The following SOS2 variants were observed in gnomAD, a reference collection of about 807,000 sequenced individuals.
SOS2 encodes SOS Ras/Rho guanine nucleotide exchange factor 2, also known as son of sevenless homolog 2.
Under a neutral mutation model 148.2 loss-of-function variants are expected in SOS2, and 65 were observed. The ratio of observed to expected loss-of-function variants is 0.44; its 90% CI spans 0.36 to 0.54. The LOEUF is 0.54. Ranked by LOEUF, SOS2 falls within the 20% of genes least tolerant of loss-of-function variation. The probability of loss-of-function intolerance (pLI) is 0.00; values close to 1 mark genes in which losing one functional copy is unlikely to be tolerated. For synonymous variants in SOS2, 539 were observed against 537.1 expected, an observed-to-expected ratio of 1.00 and a Z score of -0.05; for missense variants, 1,341 against 1,590.2, an observed-to-expected ratio of 0.84 and a Z score of 2.67.
chr14:50,170,174 C>T (rs997412189), intron 8 of SOS2, among the ~76,000 whole-genome samples: 1 of 151,522 alleles, frequency 6.6e-6, no homozygotes, highest in African/African-American at 2.4e-5. Context: ...CTCAAGTGAC[C>T]TTCTCACCTT....
intron 21 of SOS2, among the ~76,000 whole-genome samples, chr14:50,121,102 T>C (rs1378163542): frequency 6.6e-6 from 1 of 152,136 alleles, no homozygotes; most frequent in African/African-American, 2.4e-5. Context: ...AAACCCTCCA[T>C]ATAGGAACCC....
chr14:50,122,931 C>T (rs1252821113), intron 21 of SOS2, among the ~76,000 whole-genome samples: 1 of 152,208 alleles, frequency 6.6e-6, no homozygotes, highest in Non-Finnish European at 1.5e-5. Context: ...CTGTCAGGCA[C>T]TGTCTGAAGC....
At position 50,150,095 on chromosome 14, in the gene SOS2, G is replaced by A. The variant is rs749776734; in HGVS notation, c.2297C>T (p.Pro766Leu). The change falls in exon 14 of 23, where the codon CCA (proline) becomes CTA (leucine). Residue 766 changes from proline (P) to leucine (L), a missense_variant. Transcript: ENST00000216373. ...PPPIEWHISK[P>L]GQFETFDLMT... The stretch of plus-strand genomic sequence containing the variant: ...GAGATCAAATGTTTCAAACTGTCCT[G>A]GTTTGCTGATATGCCATTCAATTGG... 16 of 1,613,716 alleles carry A rather than the reference G, an allele frequency of 9.9e-6. No individual in the cohort carries two copies. Among genetic ancestry groups the A allele is most frequent in the Non-Finnish European group, 8.5e-7 (1 of 1,179,758 alleles).
chr14:50,197,371 C>T (rs1566475880), intron 4 of SOS2, among the ~76,000 whole-genome samples: 2 of 152,114 alleles, frequency 1.3e-5, no homozygotes, highest in Non-Finnish European at 2.9e-5. Context: ...TCAACATCAC[C>T]ACCACTAATG....
At chr14:50,223,673 A>AAAAC (rs986763291) in intron 1 of SOS2, among the ~76,000 whole-genome samples, 2 of 151,700 alleles carry the variant, frequency 1.3e-5, no homozygotes, top group Middle Eastern at 3.2e-3. Flanking sequence ...GACTCCATCT[A>AAAAC]AAACAAACAA....
intron 1 of SOS2, among the ~76,000 whole-genome samples, chr14:50,226,006 T>TC (rs74726778): frequency 0.19 from 28,583 of 150,762 alleles, 2,972 homozygotes; most frequent in East Asian, 0.47. Flanking sequence ...CTCAAATCCT[T>TC]CCCCCCCGCC....
intron 5 of SOS2, among the ~76,000 whole-genome samples, chr14:50,183,836 C>T (rs956531239): frequency 3.3e-5 from 5 of 152,294 alleles, no homozygotes; most frequent in Non-Finnish European, 4.4e-5. Context: ...TCCAAGCTCC[C>T]GTCTGTGAAT....
At chr14:50,191,157 A>G (rs569953044) in intron 4 of SOS2, among the ~76,000 whole-genome samples, 3 of 151,984 alleles carry the variant, frequency 2.0e-5, no homozygotes, top group African/African-American at 7.3e-5. Context: ...CCATTCTCTC[A>G]TTCTTAAAAC....
chr14:50,193,520 GTTATTT>G (rs1211845958), intron 4 of SOS2, among the ~76,000 whole-genome samples: 3 of 151,960 alleles, frequency 2.0e-5, no homozygotes, highest in Admixed American at 1.3e-4. Context: ...ATAGCCACAT[GTTATTT>G]TTATTTTTAA....
intron 21 of SOS2, among the ~76,000 whole-genome samples, chr14:50,121,946 A>G (rs528046304): frequency 6.6e-6 from 1 of 152,298 alleles, no homozygotes; most frequent in African/African-American, 2.4e-5. Flanking sequence ...ACCCCAATTC[A>G]AGGCAAGGAA....
intron 1 of SOS2, among the ~76,000 whole-genome samples, chr14:50,204,904 C>CTT (rs386381336): frequency 1.4e-5 from 2 of 144,234 alleles, no homozygotes; most frequent in Non-Finnish European, 3.1e-5. Flanking sequence ...TTTTTTCTTT[C>CTT]TTTTTTTTTT....
chr14:50,156,992 G>A lies in SOS2; in HGVS notation c.2057+7C>T. Reference sequence around the variant, plus strand: ...ATATATATATATAAAAAATATTCAAGCCAAACCTAAGTTGTACTGGTTGGA... The same window carrying A: ...ATATATATATATAAAAAATATTCAAACCAAACCTAAGTTGTACTGGTTGGA... On this transcript the variant is annotated splice_region_variant and intron_variant, in intron 12 of 22. Coordinates refer to ENST00000216373, the MANE Select transcript of SOS2 (RefSeq NM_006939.4). 1.3e-6 allele frequency: 2 copies of A among 1,540,016 alleles called. No homozygotes were observed. The highest frequency in any genetic ancestry group is 1.7e-4 in the Middle Eastern group (1 of 5,920).
At chr14:50,152,975 A>AG in intron 13 of SOS2, 95 bp downstream of exon 13, 2 of 624,964 alleles carry the variant, frequency 3.2e-6, no homozygotes, top group East Asian at 2.8e-5. Flanking sequence ...AAAAAAAAAA[A>AG]AGAGAGAGAA....
intron 4 of SOS2, among the ~76,000 whole-genome samples, chr14:50,189,061 TCACA>T (rs10599812): frequency 0.038 from 4,931 of 128,708 alleles, 112 homozygotes; most frequent in African/African-American, 0.067. Context: ...CGAGACTCCA[TCACA>T]CACACACACA....
intron 9 of SOS2, 135 bp from the exon 10 acceptor site, chr14:50,160,221 C>G: frequency 1.5e-6 from 1 of 666,654 alleles, no homozygotes; most frequent in Non-Finnish European, 2.5e-6. Context: ...TTAGTTCTAA[C>G]TTTGCCACTA....
intron 3 of SOS2, 100 bp downstream of exon 3, chr14:50,200,853 A>G (rs1038274842): frequency 8.8e-5 from 96 of 1,089,758 alleles, no homozygotes; most frequent in Middle Eastern, 3.0e-4. Context: ...ACATATACAC[A>G]CTAACACAGA....
chr14:50,228,043 AT>A (rs5808544), intron 1 of SOS2, among the ~76,000 whole-genome samples: 38,185 of 142,332 alleles, frequency 0.27, 5,252 homozygotes, highest in East Asian at 0.46. Flanking sequence ...GATGCAAGTA[AT>A]TTTTTTTTTT....
intron 7 of SOS2, among the ~76,000 whole-genome samples, chr14:50,179,451 C>A (rs1462757244): frequency 2.0e-5 from 3 of 152,038 alleles, no homozygotes; most frequent in Non-Finnish European, 2.9e-5. Flanking sequence ...GTGGCGTGAT[C>A]ATGACTCATT....
rs11288068 is a variant in SOS2 at position 50,150,564 on chromosome 14, CTT to C, written c.2162-336_2162-335del. On this transcript the variant is annotated intron_variant, in intron 13 of 22. Transcript: ENST00000216373. ...CACATTTCTCTCTCTGATTATTTTCCTTTTTTTTTTTTTTTGAGACAGGGTCT... is the reference window on the plus strand; with the variant it reads ...CACATTTCTCTCTCTGATTATTTTCCTTTTTTTTTTTTTGAGACAGGGTCT... 2.9e-3 allele frequency among the ~76,000 whole-genome samples: 406 copies of C among 138,212 alleles called. 1 individual carries two copies. The highest frequency in any genetic ancestry group is 3.3e-3 in the East Asian group (16 of 4,910). 90.7% of individuals were successfully genotyped at this position (138,212 alleles called of 152,430 possible).
Sources: gnomAD v4.1 joint callset for allele counts (sites outside exome capture counted in the v4.1 genomes callset) on GRCh38, gnomAD v4.1.1 for gene constraint, MANE v1.5 for transcripts, NCBI Gene and HGNC (gene_info 2026-07-23, HGNC 2026-07-21) for gene names.